DIP2B: variants seen among roughly 807,000 people sequenced by gnomAD.
DIP2B encodes the protein DIP2 acetate--CoA ligase B (putative), also known as disco-interacting protein 2 homolog B.
A neutral mutation model predicts 198.0 loss-of-function variants in DIP2B; 76 were observed. The observed-to-expected ratio is 0.38, with a 90% CI of 0.32 to 0.46. The LOEUF (loss-of-function observed/expected upper bound fraction) is 0.46, where lower values mean the gene tolerates loss of function less well. DIP2B is among the 20% of genes least tolerant of loss of function. The pLI, the probability that DIP2B is intolerant of heterozygous loss-of-function variation, is 0.99. For missense variants in DIP2B, 1,559 were observed against 1,978.4 expected (o/e 0.79, Z 4.02); for synonymous variants, 701 against 739.1 (o/e 0.95, Z 0.84).
intron 2 of DIP2B, among the ~76,000 whole-genome samples, chr12:50,629,743 T>C (rs1274052571): frequency 1.3e-5 from 2 of 152,090 alleles, no homozygotes; most frequent in African/African-American, 4.8e-5. Flanking sequence ...CCTCCCTGCA[T>C]GCATTCTCCA....
intron 1 of DIP2B, among the ~76,000 whole-genome samples, chr12:50,516,168 C>G (rs772613212): frequency 1.3e-5 from 2 of 151,872 alleles, no homozygotes; most frequent in Non-Finnish European, 2.9e-5. Flanking sequence ...TAAGCCTGTT[C>G]ATGAGCACTC....
intron 1 of DIP2B, among the ~76,000 whole-genome samples, chr12:50,553,799 T>C (rs1286297432): frequency 1.3e-5 from 2 of 152,068 alleles, no homozygotes; most frequent in East Asian, 3.9e-4. Flanking sequence ...GACTACAGCA[T>C]GTGCCTTCAT....
chr12:50,598,508 G>T (rs2139437866), intron 1 of DIP2B, among the ~76,000 whole-genome samples: 1 of 151,320 alleles, frequency 6.6e-6, no homozygotes, highest in East Asian at 2.0e-4. Context: ...TTCTCACATT[G>T]CTCTAAAATG....
chr12:50,727,153 A>T (rs1447488111), intron 28 of DIP2B, among the ~76,000 whole-genome samples: 1 of 152,178 alleles, frequency 6.6e-6, no homozygotes, highest in Non-Finnish European at 1.5e-5. Flanking sequence ...AACTTAGAGA[A>T]ATACTTTCCA....
chr12:50,664,104 A>G (rs1369874378), intron 4 of DIP2B, among the ~76,000 whole-genome samples: 1 of 152,138 alleles, frequency 6.6e-6, no homozygotes, highest in African/African-American at 2.4e-5. Context: ...CCAGCCAGTC[A>G]GCTTCTTTGG....
chr12:50,621,810 T>C (rs1397127117), intron 1 of DIP2B, among the ~76,000 whole-genome samples: 1 of 152,208 alleles, frequency 6.6e-6, no homozygotes, highest in East Asian at 1.9e-4. Flanking sequence ...AGCATTGTAG[T>C]CCTCGCATTC....
At chr12:50,612,304 C>CGT (rs1959038715) in intron 1 of DIP2B, among the ~76,000 whole-genome samples, 1 of 152,176 alleles carries the variant, frequency 6.6e-6, no homozygotes, top group South Asian at 2.1e-4. Flanking sequence ...GGAACCTTTA[C>CGT]ACCCTCCTGA....
chr12:50,539,682 A>G (rs1268559653), intron 1 of DIP2B, among the ~76,000 whole-genome samples: 1 of 151,648 alleles, frequency 6.6e-6, no homozygotes, highest in Admixed American at 6.6e-5. Context: ...TGGTAGATCC[A>G]TGATCTAGTT....
intron 1 of DIP2B, among the ~76,000 whole-genome samples, chr12:50,614,964 C>T (rs1329120614): frequency 6.6e-6 from 1 of 152,076 alleles, no homozygotes; most frequent in Non-Finnish European, 1.5e-5. Context: ...TTTTTTTGCG[C>T]CTGCCAAAGG....
chr12:50,527,035 A>C (rs539024814), intron 1 of DIP2B, among the ~76,000 whole-genome samples: 5 of 152,182 alleles, frequency 3.3e-5, no homozygotes, highest in Non-Finnish European at 5.9e-5. Context: ...TTGTAATAAA[A>C]CCAAAATCAG....
intron 23 of DIP2B, among the ~76,000 whole-genome samples, chr12:50,715,095 G>A (rs1164058752): frequency 1.3e-5 from 2 of 152,210 alleles, no homozygotes; most frequent in Non-Finnish European, 2.9e-5. Flanking sequence ...GCTCAGGCAA[G>A]AAACAAGCAT....
At chr12:50,735,857 G>A (rs1443117942) in intron 34 of DIP2B, among the ~76,000 whole-genome samples, 2 of 152,222 alleles carry the variant, frequency 1.3e-5, no homozygotes, top group Admixed American at 6.5e-5. Flanking sequence ...TGCATTTAAA[G>A]TTGAAAGGAA....
In DIP2B at chr12:50,728,623, G is replaced by A. The variant is rs773277377; in HGVS notation, c.3586G>A (p.Ala1196Thr). The change falls in exon 30 of 38, where the codon GCC (alanine) becomes ACC (threonine). Residue 1196 changes from alanine to threonine, a missense_variant. Coordinates refer to ENST00000301180, the MANE Select transcript of DIP2B (RefSeq NM_173602.3). Reference sequence around the variant, plus strand: ...TGAGTTGTACTCTTCTCGGCAGATCGCCATCTGCCTTGACCCTTACTGTGG... The same window carrying A: ...TGAGTTGTACTCTTCTCGGCAGATCACCATCTGCCTTGACCCTTACTGTGG... ...QCELYSSRQI[A>T]ICLDPYCGLG... 3.5e-5 allele frequency: 57 copies of A among 1,613,972 alleles called. No homozygotes were observed. The highest frequency in any genetic ancestry group is 4.7e-5 in the Non-Finnish European group (55 of 1,180,014).
rs912892045 is a variant in DIP2B, at chr12:50,745,041, G to T, written c.*202G>T. 15 of 658,768 alleles carry T rather than the reference G, an allele frequency of 2.3e-5. No individual in the cohort carries two copies. In the East Asian group the frequency reaches 2.8e-4, roughly 13 times the overall value. The allele number at this position is 658,768 out of a possible 1,614,324, so 40.8% of individuals were successfully genotyped here. A position where few individuals can be genotyped will look rare whatever the true frequency, so the allele number is the denominator to read the frequency against. ...CAAATGAAAAAAATGTTAACATTTG[G>T]TAGACATGTGCTTTGACATAGCGTG... On this transcript the variant is annotated 3_prime_UTR_variant, in exon 38 of 38. Coordinates refer to ENST00000301180, the MANE Select transcript of DIP2B (RefSeq NM_173602.3).
intron 20 of DIP2B, among the ~76,000 whole-genome samples, chr12:50,706,115 A>G (rs1051721879): frequency 2.6e-4 from 39 of 152,332 alleles, no homozygotes; most frequent in African/African-American, 8.9e-4. Context: ...TGAGACGGTC[A>G]TTCTCCTATT....
At chr12:50,663,412 C>A (rs1259635886) in intron 4 of DIP2B, among the ~76,000 whole-genome samples, 1 of 151,660 alleles carries the variant, frequency 6.6e-6, no homozygotes, top group Non-Finnish European at 1.5e-5. Flanking sequence ...AAAAAATTAG[C>A]CGGGCGTGGT....
At chr12:50,571,320 C>T (rs956857513) in intron 1 of DIP2B, among the ~76,000 whole-genome samples, 2 of 150,834 alleles carry the variant, frequency 1.3e-5, no homozygotes, top group Admixed American at 6.6e-5. Flanking sequence ...TACGGGTGTG[C>T]GCCACCATGC....
chr12:50,722,392 CA>C (rs149841254), intron 26 of DIP2B, among the ~76,000 whole-genome samples: 2,022 of 151,934 alleles, frequency 0.013, 47 homozygotes, highest in African/African-American at 0.046. Context: ...TAGCTGGGAT[CA>C]CAGGCACACG....
At chr12:50,629,785 G>C (rs1169632255) in intron 2 of DIP2B, among the ~76,000 whole-genome samples, 3 of 151,936 alleles carry the variant, frequency 2.0e-5, no homozygotes, top group African/African-American at 7.3e-5. Context: ...ACCTGCTCCT[G>C]TGCTTCTAGT....
Sources: gnomAD v4.1 joint callset for allele counts (sites outside exome capture counted in the v4.1 genomes callset) on GRCh38, gnomAD v4.1.1 for gene constraint, MANE v1.5 for transcripts, NCBI Gene and HGNC (gene_info 2026-07-23, HGNC 2026-07-21) for gene names.